OOSP3: variants seen among roughly 807,000 people sequenced by gnomAD.
The protein encoded by OOSP3 is oocyte-secreted protein 3.
chr11:59,884,563 G>A (rs1430892954), intron 2 of OOSP3, among the ~76,000 whole-genome samples: 1 of 150,088 alleles, frequency 6.7e-6, no homozygotes, highest in Non-Finnish European at 1.5e-5. Flanking sequence ...GCAGTGGCAT[G>A]AACTCAGCTC....
At chr11:59,888,664 A>G (rs1361923508) in intron 2 of OOSP3, among the ~76,000 whole-genome samples, 1 of 152,208 alleles carries the variant, frequency 6.6e-6, no homozygotes, top group African/African-American at 2.4e-5. Context: ...ATTGTGGTGT[A>G]TAAGCTTTTT....
At chr11:59,890,032 G>C (rs117915660) in intron 2 of OOSP3, among the ~76,000 whole-genome samples, 423 of 152,210 alleles carry the variant, frequency 2.8e-3, no homozygotes, top group Non-Finnish European at 4.7e-3. Flanking sequence ...ACCATGTAAT[G>C]ACCTTCTTTG....
intron 2 of OOSP3, among the ~76,000 whole-genome samples, chr11:59,884,923 G>A (rs1853238793): frequency 6.6e-6 from 1 of 152,214 alleles, no homozygotes; most frequent in African/African-American, 2.4e-5. Context: ...GATACAAGTT[G>A]TGAGAGTGAA....
At chr11:59,883,712 C>A (rs766685542) in intron 2 of OOSP3, among the ~76,000 whole-genome samples, 1 of 152,162 alleles carries the variant, frequency 6.6e-6, no homozygotes, top group African/African-American at 2.4e-5. Flanking sequence ...CAATGCGAAA[C>A]TTTTTCTGTC....
chr11:59,895,843 A>G (rs982506350), intron 4 of OOSP3, among the ~76,000 whole-genome samples, 191 bp downstream of exon 4: 1 of 152,228 alleles, frequency 6.6e-6, no homozygotes, highest in Admixed American at 6.5e-5. Flanking sequence ...GTGTCTACAT[A>G]TATCCTGGTC....
Position 59,885,678 on chromosome 11 carries a change from C to T in OOSP3, c.252+5239C>T, listed in dbSNP as rs554193125. 4.2e-4 allele frequency among the ~76,000 whole-genome samples: 64 copies of T among 152,268 alleles called. 1 individual carries two copies. In the South Asian group the frequency reaches 0.013, roughly 31 times the overall value. ...TTCCTTTTTATGGCTGCATACTATT[C>T]CATGGTGCATATGTACCACATCTTC... On this transcript the variant is annotated intron_variant, in intron 2 of 4. Coordinates refer to ENST00000646438, the Ensembl canonical transcript of OOSP3.
At chr11:59,886,408 G>C (rs1853259611) in intron 2 of OOSP3, among the ~76,000 whole-genome samples, 1 of 152,214 alleles carries the variant, frequency 6.6e-6, no homozygotes, top group African/African-American at 2.4e-5. Context: ...TATATACCCA[G>C]TAAAGGGATT....
At chr11:59,894,048 A>G (rs769221725) in intron 2 of OOSP3, 31 bp from the exon 3 acceptor site, 22 of 398,308 alleles carry the variant, frequency 5.5e-5, no homozygotes, top group Non-Finnish European at 8.4e-5. Flanking sequence ...GTGACATGAC[A>G]TCAACTTATA....
At chr11:59,879,226 G>A (rs1232185792) in intron 1 of OOSP3, among the ~76,000 whole-genome samples, 1 of 152,032 alleles carries the variant, frequency 6.6e-6, no homozygotes, top group Non-Finnish European at 1.5e-5. Context: ...TCATAATCCT[G>A]CCACCTGCCT....
intron 2 of OOSP3, among the ~76,000 whole-genome samples, chr11:59,890,817 G>C (rs866237502): frequency 1.3e-5 from 2 of 152,134 alleles, no homozygotes. Context: ...GAATTTGAAG[G>C]TTAGCCTGTC....
At chr11:59,890,362 T>C (rs1241467837) in intron 2 of OOSP3, among the ~76,000 whole-genome samples, 2 of 152,204 alleles carry the variant, frequency 1.3e-5, no homozygotes, top group African/African-American at 2.4e-5. Flanking sequence ...ATGTAGTTGC[T>C]TCATAGTGTC....
At chr11:59,887,363 T>A (rs1262803284) in intron 2 of OOSP3, among the ~76,000 whole-genome samples, 2 of 152,206 alleles carry the variant, frequency 1.3e-5, no homozygotes, top group African/African-American at 4.8e-5. Context: ...CATCATAAAA[T>A]CTTTGCACAT....
At chr11:59,887,569 C>T (rs1293314411) in intron 2 of OOSP3, among the ~76,000 whole-genome samples, 1 of 152,114 alleles carries the variant, frequency 6.6e-6, no homozygotes, top group Non-Finnish European at 1.5e-5. Flanking sequence ...TTCCCCATTG[C>T]TTGTTTTTGT....
chr11:59,894,759 A>G (rs942456017), intron 3 of OOSP3, among the ~76,000 whole-genome samples: 4 of 152,202 alleles, frequency 2.6e-5, no homozygotes, highest in African/African-American at 9.7e-5. Context: ...AACAGAGCTC[A>G]GAGGTGATTG....
At position 59,888,815 on chromosome 11, in the gene OOSP3, A is replaced by T. The variant is rs7943846; in HGVS notation, c.253-5264A>T. On this transcript the variant is annotated intron_variant, in intron 2 of 4. Coordinates refer to ENST00000646438, the Ensembl canonical transcript of OOSP3. ...ATCAGAATGATGCTGGCCTCATAAC[A>T]TGAGTTAGAGAGAAGTTCCTTATTT... Among the ~76,000 whole-genome samples the T allele has an allele frequency of 4.0e-3, 605 of 152,264 alleles. 2 individuals are homozygous for T. The highest frequency in any genetic ancestry group is 0.013 in the African/African-American group (550 of 41,548).
At chr11:59,893,990 C>T in intron 2 of OOSP3, 89 bp from the exon 3 acceptor site, 1 of 396,444 alleles carries the variant, frequency 2.5e-6, no homozygotes, top group Non-Finnish European at 4.4e-6. Context: ...AAAGAGCTTA[C>T]ATCTTATCTT....
chr11:59,892,092 C>T (rs1296566996), intron 2 of OOSP3, among the ~76,000 whole-genome samples: 5 of 152,168 alleles, frequency 3.3e-5, no homozygotes, highest in Non-Finnish European at 5.9e-5. Flanking sequence ...CCTGCCTGAG[C>T]GGCTGCTGAC....
chr11:59,886,019 T>G lies in OOSP3; in HGVS notation c.252+5580T>G, dbSNP rs114813101. ...CCTAGGTATCCAGCCCAGCATGCAT[T>G]AACTATTTTTCCTAATGCTCTACTC... is the stretch of plus-strand genomic sequence containing the variant. On this transcript the variant is annotated intron_variant, in intron 2 of 4. Transcript: ENST00000646438. 3.2e-3 allele frequency among the ~76,000 whole-genome samples: 493 copies of G among 152,190 alleles called. 2 individuals carry two copies. Among genetic ancestry groups the G allele is most frequent in the African/African-American group, 0.011 (476 of 41,518 alleles).
At chr11:59,886,860 G>T (rs1853265371) in intron 2 of OOSP3, among the ~76,000 whole-genome samples, 1 of 147,348 alleles carries the variant, frequency 6.8e-6, no homozygotes, top group African/African-American at 2.5e-5. Flanking sequence ...GTGTGATCTT[G>T]GCTCACTGCA....
Sources: gnomAD v4.1 joint callset for allele counts (sites outside exome capture counted in the v4.1 genomes callset) on GRCh38, gnomAD v4.1.1 for gene constraint, MANE v1.5 for transcripts, NCBI Gene and HGNC (gene_info 2026-07-23, HGNC 2026-07-21) for gene names.